The following PRRC2A variants were observed in gnomAD, a reference collection of about 807,000 sequenced individuals.
PRRC2A encodes proline rich coiled-coil 2A.
In PRRC2A, 59 loss-of-function variants were observed where a neutral mutation model predicts 224.6. The ratio of observed to expected loss-of-function variants is 0.26; its 90% confidence interval spans 0.21 to 0.33. The LOEUF (loss-of-function observed/expected upper bound fraction) is 0.33, where lower values mean the gene tolerates loss of function less well. PRRC2A is among the 10% of genes least tolerant of loss of function. PRRC2A has a pLI of 1.00. For missense variants in PRRC2A, 3,095 were observed against 2,880.7 expected (o/e 1.07, Z -1.70); for synonymous variants, 1,194 against 1,109.5 (o/e 1.08, Z -1.51).
Position 31,624,379 on chromosome 6 carries a change from G to A in PRRC2A, c.390+19G>A, listed in dbSNP as rs765322928. On this transcript the variant is annotated intron_variant, in intron 4 of 30. Coordinates refer to ENST00000376033, the MANE Select transcript of PRRC2A (RefSeq NM_004638.4). ...CCCCGAGGTACCTGGAGAACTGGAG[G>A]GGTGGGGAGGAAGAATGGTTCATAG... 1 of 1,611,742 alleles carries A rather than the reference G, an allele frequency of 6.2e-7. No individual in the cohort carries two copies. Among genetic ancestry groups the A allele is most frequent in the Non-Finnish European group, 8.5e-7 (1 of 1,177,802 alleles).
chr6:31,626,063 A>G lies in PRRC2A; in HGVS notation c.883A>G (p.Met295Val), dbSNP rs528285841. 5.2e-5 allele frequency: 84 copies of G among 1,612,918 alleles called. 1 individual carries two copies. The highest frequency in any genetic ancestry group is 2.8e-4 in the African/African-American group (21 of 75,072). Residue 295 changes from methionine to valine, a missense_variant, in exon 9 of 31, where the codon ATG becomes GTG. Coordinates refer to ENST00000376033, the MANE Select transcript of PRRC2A (RefSeq NM_004638.4). The stretch of plus-strand genomic sequence containing the variant: ...GGGCCCCCGAGGCTCAGGGCCACCA[A>G]TGCGCTTAGTAGAGCCTGTGGGTCG... ...VAGPRGSGPPMRLVEPVGRPS... is the reference protein window; with the variant it reads ...VAGPRGSGPPVRLVEPVGRPS...
At position 31,625,268 on chromosome 6, in the gene PRRC2A, G is replaced by A. The variant is rs939095878; in HGVS notation, c.561G>A (p.Glu187=). The change falls in exon 6 of 31, where the codon GAG becomes GAA. Residue 187 remains glutamate (E), a synonymous_variant. Transcript: ENST00000376033. The surrounding 1 kb of genome is among the most constrained non-coding windows in gnomAD (Gnocchi z 4.1). ...GDQDKAAKER[E]SAEQSSGPGP... is the part of the protein sequence containing the mutation. ...AGGACAAGGCTGCCAAGGAAAGGGA[G>A]TCTGCCGAACAGTCGTCTGGGCCCG... The A allele has an allele frequency of 6.2e-7, 1 of 1,613,230 alleles. No individual in the cohort carries two copies. Among genetic ancestry groups the A allele is most frequent in the Non-Finnish European group, 8.5e-7 (1 of 1,180,050 alleles).
At position 31,626,179 on chromosome 6, in the gene PRRC2A, G is replaced by A. The variant is rs770156805; in HGVS notation, c.982+17G>A. ...GTTGGGCAGGTAAGTGGATATTAAG[G>A]GTCAAGAATTTGGATCTTGAAAGGC... is the stretch of plus-strand genomic sequence containing the variant. On this transcript the variant is annotated intron_variant, in intron 9 of 30. Coordinates refer to ENST00000376033, the MANE Select transcript of PRRC2A (RefSeq NM_004638.4). The A allele has an allele frequency of 6.2e-7, 1 of 1,604,668 alleles. No individual in the cohort carries two copies. The highest frequency in any genetic ancestry group is 1.1e-5 in the South Asian group (1 of 89,446).
intron 1 of PRRC2A, 117 bp downstream of exon 1, chr6:31,620,975 C>G (rs963859298): frequency 6.5e-6 from 1 of 154,496 alleles, no homozygotes; most frequent in African/African-American, 2.4e-5. Flanking sequence ...CTGCCATTAG[C>G]CGCCGCCATT....
Position 31,631,683 on chromosome 6 carries a change from T to A in PRRC2A, c.3010T>A (p.Ser1004Thr). The A allele has an allele frequency of 6.6e-7, 1 of 1,512,812 alleles. No individual in the cohort carries two copies. Among genetic ancestry groups the A allele is most frequent in the Non-Finnish European group, 8.8e-7 (1 of 1,132,338 alleles). 93.7% of individuals were successfully genotyped at this position (1,512,812 alleles called of 1,614,324 possible). A position where few individuals can be genotyped will look rare whatever the true frequency, so the allele number is the denominator to read the frequency against. The change falls in exon 16 of 31, where the codon TCC becomes ACC. Residue 1004 changes from serine (S) to threonine (T), a missense_variant. This residue lies in a region of PRRC2A where 2,001 missense variants were observed against 1,764.9 expected (regional missense o/e 1.13). Coordinates refer to ENST00000376033, the MANE Select transcript of PRRC2A (RefSeq NM_004638.4). This position sits in a 1 kb window ranked among gnomAD's most constrained non-coding sequence, Gnocchi z 4.5. ...PKETPPNGNL[S>T]PAPRLRRDYS... ...GGAGACCCCACCCAATGGAAATCTT[T>A]CCCCTGCCCCAAGGCTTCGGAGGGA... is the stretch of plus-strand genomic sequence containing the variant.
Position 31,636,555 on chromosome 6 carries a change from C to G in PRRC2A, c.5881C>G (p.Leu1961Val). 1.9e-6 allele frequency: 3 copies of G among 1,609,186 alleles called. No individual in the cohort carries two copies. The highest frequency in any genetic ancestry group is 2.5e-6 in the Non-Finnish European group (3 of 1,178,220). Residue 1961 changes from leucine (L) to valine (V), a missense_variant, in exon 27 of 31, where the codon CTG (leucine) becomes GTG (valine). Transcript: ENST00000376033. This position sits in a 1 kb window ranked among gnomAD's most constrained non-coding sequence, Gnocchi z 4.3. ...CCCTTCGGATTTTTATTCTACTCCTCTGCAGCCTGGTGGCCAAAGTGGCTT... is the reference window on the plus strand; with the variant it reads ...CCCTTCGGATTTTTATTCTACTCCTGTGCAGCCTGGTGGCCAAAGTGGCTT... ...PSPSDFYSTP[L>V]QPGGQSGFLP...
At position 31,632,154 on chromosome 6, in the gene PRRC2A, T is replaced by A. The variant is rs1164325361; in HGVS notation, c.3481T>A (p.Phe1161Ile). Reference protein sequence around the residue: ...ARFTARGGRVFTPRGVPSRRG... With the variant: ...ARFTARGGRVITPRGVPSRRG... ...CTTCACTGCCCGGGGTGGGCGAGTCTTCACTCCCAGAGGGGTGCCATCTCG... is the reference window on the plus strand; with the variant it reads ...CTTCACTGCCCGGGGTGGGCGAGTCATCACTCCCAGAGGGGTGCCATCTCG... Residue 1161 changes from phenylalanine to isoleucine, a missense_variant, in exon 16 of 31, where the codon TTC (phenylalanine) becomes ATC (isoleucine). Physicochemically the swap from Phe to Ile is conservative, Grantham distance 21. Transcript: ENST00000376033. 1.9e-6 allele frequency: 3 copies of A among 1,570,570 alleles called. No homozygotes were observed. In the African/African-American group the frequency reaches 4.1e-5, roughly 21 times the overall value.
Position 31,626,972 on chromosome 6 carries a change from C to G in PRRC2A, c.1074-10C>G, listed in dbSNP as rs546061995. Reference sequence around the variant, plus strand: ...AGCTGATTTTAATTTCACTGTTGATCTGCTCACAGCAGGGATTCCCAATCA... The same window carrying G: ...AGCTGATTTTAATTTCACTGTTGATGTGCTCACAGCAGGGATTCCCAATCA... On this transcript the variant is annotated splice_polypyrimidine_tract_variant and intron_variant, in intron 10 of 30. Coordinates refer to ENST00000376033, the MANE Select transcript of PRRC2A (RefSeq NM_004638.4). 2 of 1,614,156 alleles carry G rather than the reference C, an allele frequency of 1.2e-6. No homozygotes were observed. The highest frequency in any genetic ancestry group is 1.1e-5 in the South Asian group (1 of 91,086).
Position 31,624,418 on chromosome 6 carries a change from A to G in PRRC2A, c.391-32A>G, listed in dbSNP as rs779551301. 6.2e-6 allele frequency: 10 copies of G among 1,608,644 alleles called. No homozygotes were observed. The South Asian group carries it at 1.1e-4, about 18-fold the overall frequency. ...AATGGTTCATAGCTGCCCCACCCAC[A>G]TCATTTATCATCTTTCTGAACACTT... On this transcript the variant is annotated intron_variant, in intron 4 of 30. Transcript: ENST00000376033.
rs774424168 is a variant in PRRC2A at position 31,635,134 on chromosome 6, GCTGCCCCGGGAGCAGCCT to G, written c.5171_5188del (p.Arg1724_Pro1729del). 6.2e-7 allele frequency: 1 copy of G among 1,613,864 alleles called. No individual in the cohort carries two copies. The highest frequency in any genetic ancestry group is 1.7e-5 in the Admixed American group (1 of 59,980). ...ACTTTACTGTGTGCCCAATCCAGGA[GCTGCCCCGGGAGCAGCCT>G]CTGCCCCCTGGCCCCATTGGCACAG... On this transcript the variant is annotated inframe_deletion, in exon 22 of 31. Transcript: ENST00000376033.
rs761787518 is a variant in PRRC2A, at chr6:31,626,066, C to T, written c.886C>T (p.Arg296Cys). ...CCCCCGAGGCTCAGGGCCACCAATG[C>T]GCTTAGTAGAGCCTGTGGGTCGTCC... ...AGPRGSGPPM[R>C]LVEPVGRPSI... The change falls in exon 9 of 31, where the codon CGC becomes TGC. Residue 296 changes from arginine (R) to cysteine (C), a missense_variant. Around this residue, in one of 8 missense-constraint regions of PRRC2A, gnomAD observed 287 missense variants for 275.3 expected, o/e 1.04. Transcript: ENST00000376033. 11 of 1,612,606 alleles carry T rather than the reference C, an allele frequency of 6.8e-6. No individual in the cohort carries two copies. The highest frequency in any genetic ancestry group is 7.6e-6 in the Non-Finnish European group (9 of 1,179,924).
chr6:31,630,914 G>T (rs369717148), intron 15 of PRRC2A, 113 bp downstream of exon 15: 1 of 1,388,434 alleles, frequency 7.2e-7, no homozygotes, highest in Non-Finnish European at 9.8e-7. Context: ...GGAGAGGCTG[G>T]ATGGAGTGGC....
Position 31,635,272 on chromosome 6 carries a change from G to T in PRRC2A, c.5301G>T (p.Lys1767Asn). Reference protein sequence around the residue: ...GPPVQFGTSDKDSDLRLVVGD... With the variant: ...GPPVQFGTSDNDSDLRLVVGD... ...CAGTCCAGTTTGGCACTAGTGACAAGGTCTGTGTGGGCTGGATCTGGGTAT... is the reference window on the plus strand; with the variant it reads ...CAGTCCAGTTTGGCACTAGTGACAATGTCTGTGTGGGCTGGATCTGGGTAT... The change falls in exon 22 of 31, where the codon AAG (lysine) becomes AAT (asparagine). Residue 1767 changes from lysine (K) to asparagine (N), a missense_variant and splice_region_variant. Physicochemically the swap from Lys to Asn is moderately conservative, Grantham distance 94. Coordinates refer to ENST00000376033, the MANE Select transcript of PRRC2A (RefSeq NM_004638.4). The T allele has an allele frequency of 6.2e-7, 1 of 1,614,060 alleles. No homozygotes were observed. Among genetic ancestry groups the T allele is most frequent in the Non-Finnish European group, 8.5e-7 (1 of 1,179,946 alleles).
At position 31,631,277 on chromosome 6, in the gene PRRC2A, A is replaced by T; in HGVS notation, c.2604A>T (p.Pro868=). Reference sequence around the variant, plus strand: ...GGCCCCGTCCACTCCCCTGGCCCCCAGGCAGTGATGAAGTGGCCAAGATAC... The same window carrying T: ...GGCCCCGTCCACTCCCCTGGCCCCCTGGCAGTGATGAAGTGGCCAAGATAC... The part of the protein sequence containing the change: ...EPGPRPLPWP[P]GSDEVAKIQT... Residue 868 remains proline (P), a synonymous_variant, in exon 16 of 31, where the codon CCA becomes CCT. Transcript: ENST00000376033. The surrounding 1 kb of genome is among the most constrained non-coding windows in gnomAD (Gnocchi z 4.5). 6.2e-7 allele frequency: 1 copy of T among 1,612,202 alleles called. No individual in the cohort carries two copies. Among genetic ancestry groups the T allele is most frequent in the Non-Finnish European group, 8.5e-7 (1 of 1,179,762 alleles).
intron 10 of PRRC2A, 58 bp downstream of exon 10, chr6:31,626,920 A>G (rs549309464): frequency 6.2e-7 from 1 of 1,613,036 alleles, no homozygotes; most frequent in Non-Finnish European, 8.5e-7. Context: ...TTTTGGTAAT[A>G]TACTCTTAGA....
intron 14 of PRRC2A, 75 bp from the exon 15 acceptor site, chr6:31,630,516 G>T: frequency 1.3e-6 from 2 of 1,507,282 alleles, no homozygotes; most frequent in Non-Finnish European, 1.8e-6. Context: ...ACTTGACCGC[G>T]AGGGGAGATG....
In PRRC2A at chr6:31,631,687, C is replaced by T. The variant is rs1311070605; in HGVS notation, c.3014C>T (p.Pro1005Leu). The change falls in exon 16 of 31, where the codon CCT becomes CTT. Residue 1005 changes from proline (P) to leucine (L), a missense_variant. By Grantham distance (98) the Pro-to-Leu change is moderately conservative. Around this residue, in one of 8 missense-constraint regions of PRRC2A, gnomAD observed 2,001 missense variants for 1,764.9 expected, o/e 1.13. Transcript: ENST00000376033. The surrounding 1 kb of genome is among the most constrained non-coding windows in gnomAD (Gnocchi z 4.5). ...KETPPNGNLS[P>L]APRLRRDYSY... ...ACCCCACCCAATGGAAATCTTTCCC[C>T]TGCCCCAAGGCTTCGGAGGGACTAT... is the stretch of plus-strand genomic sequence containing the variant. The T allele has an allele frequency of 1.3e-6, 2 of 1,514,170 alleles. No homozygotes were observed. Among genetic ancestry groups the T allele is most frequent in the Non-Finnish European group, 1.8e-6 (2 of 1,132,938 alleles). 93.8% of individuals were successfully genotyped at this position (1,514,170 alleles called of 1,614,324 possible).
chr6:31,634,448 T>C lies in PRRC2A; in HGVS notation c.4850-24T>C, dbSNP rs781297394. The C allele has an allele frequency of 1.9e-4, 305 of 1,612,586 alleles. 1 individual carries two copies. The highest frequency in any genetic ancestry group is 1.6e-3 in the Middle Eastern group (10 of 6,082). Reference sequence around the variant, plus strand: ...TGAACTGTCATCTCCTCACTTCTCTTCTGGTTGGTGCTCCCTTCTCCAGCC... The same window carrying C: ...TGAACTGTCATCTCCTCACTTCTCTCCTGGTTGGTGCTCCCTTCTCCAGCC... On this transcript the variant is annotated intron_variant, in intron 19 of 30. Coordinates refer to ENST00000376033, the MANE Select transcript of PRRC2A (RefSeq NM_004638.4).
chr6:31,631,583 A>G lies in PRRC2A; in HGVS notation c.2910A>G (p.Glu970=), dbSNP rs58892873. Residue 970 remains glutamate, a synonymous_variant, in exon 16 of 31, where the codon GAA becomes GAG. Coordinates refer to ENST00000376033, the MANE Select transcript of PRRC2A (RefSeq NM_004638.4). This position sits in a 1 kb window ranked among gnomAD's most constrained non-coding sequence, Gnocchi z 4.5. ...KVEELPPKPL[E]QGDETPKPPK... ...AAGAGCTGCCTCCCAAGCCCCTCGAACAGGGGGATGAAACCCCCAAACCCC... is the reference window on the plus strand; with the variant it reads ...AAGAGCTGCCTCCCAAGCCCCTCGAGCAGGGGGATGAAACCCCCAAACCCC... 2.9e-3 allele frequency: 4,478 copies of G among 1,570,146 alleles called. 150 individuals carry two copies. In the East Asian group the frequency reaches 0.051, roughly 18 times the overall value.
Sources: gnomAD v4.1 joint callset for allele counts on GRCh38, gnomAD v4.1.1 for gene constraint, gnomAD v4.1.1 regional missense constraint, Gnocchi (gnomAD v3.1) non-coding constraint, MANE v1.5 for transcripts, NCBI Gene and HGNC (gene_info 2026-07-23, HGNC 2026-07-21) for gene names.